Variants in SPECC1L observed in about 807,000 individuals in gnomAD.
SPECC1L encodes cytospin-A.
Under a neutral mutation model 116.8 loss-of-function variants are expected in SPECC1L, and 40 were observed. That is an observed-to-expected ratio of 0.34 (90% CI 0.27 to 0.45). The LOEUF (loss-of-function observed/expected upper bound fraction) is 0.45, where lower values mean the gene tolerates loss of function less well. SPECC1L is among the 20% of genes least tolerant of loss of function. The pLI, the probability that SPECC1L is intolerant of heterozygous loss-of-function variation, is 1.00. For missense variants in SPECC1L, 1,110 were observed against 1,373.6 expected, an observed-to-expected ratio of 0.81 and a Z score of 3.03; for synonymous variants, 504 against 500.6, an observed-to-expected ratio of 1.01 and a Z score of -0.09.
intron 2 of SPECC1L, among the ~76,000 whole-genome samples, chr22:24,283,993 G>C (rs919361558): frequency 1.3e-5 from 2 of 152,012 alleles, no homozygotes; most frequent in African/African-American, 4.8e-5. Flanking sequence ...TCTTTTTTAT[G>C]AGTGTGGCTA....
At chr22:24,342,241 G>GA (rs34226829) in intron 10 of SPECC1L, among the ~76,000 whole-genome samples, 2 of 152,166 alleles carry the variant, frequency 1.3e-5, no homozygotes, top group South Asian at 2.1e-4. Flanking sequence ...ATAACCAGGG[G>GA]AAAAATCAGT....
intron 14 of SPECC1L, among the ~76,000 whole-genome samples, chr22:24,404,140 T>C (rs1255663084): frequency 1.3e-5 from 2 of 152,334 alleles, no homozygotes; most frequent in Non-Finnish European, 2.9e-5. Context: ...TTCTGGTTTC[T>C]TTCCCCCAAC....
chr22:24,312,244 C>CA (rs2040476864), intron 3 of SPECC1L, among the ~76,000 whole-genome samples: 1 of 152,204 alleles, frequency 6.6e-6, no homozygotes, highest in Admixed American at 6.5e-5. Flanking sequence ...GCTAAGATTA[C>CA]AGGCATGAGC....
At chr22:24,371,873 T>TA (rs1240726514) in intron 14 of SPECC1L, among the ~76,000 whole-genome samples, 1 of 152,178 alleles carries the variant, frequency 6.6e-6, no homozygotes, top group Admixed American at 6.5e-5. Context: ...AAACGTGTGC[T>TA]ATCATGCCCA....
intron 9 of SPECC1L, among the ~76,000 whole-genome samples, chr22:24,337,419 G>A (rs149161100): frequency 8.7e-4 from 133 of 152,318 alleles, no homozygotes; most frequent in African/African-American, 3.1e-3. Context: ...ATTGCCATAC[G>A]CTGGCGGGAC....
intron 14 of SPECC1L, among the ~76,000 whole-genome samples, chr22:24,401,170 C>T (rs2042466281): frequency 6.6e-6 from 1 of 152,196 alleles, no homozygotes; most frequent in African/African-American, 2.4e-5. Flanking sequence ...AAATAGGGTT[C>T]TCACATTGTG....
chr22:24,323,481 A>G (rs556190789), intron 5 of SPECC1L, among the ~76,000 whole-genome samples: 1 of 152,350 alleles, frequency 6.6e-6, no homozygotes, highest in African/African-American at 2.4e-5. Flanking sequence ...TGCCTCCAGC[A>G]TAATAGTGAG....
Position 24,363,436 on chromosome 22 carries a change from C to G in SPECC1L, c.2827+92C>G, listed in dbSNP as rs886619175. The G allele has an allele frequency of 9.9e-6, 11 of 1,108,474 alleles. No individual in the cohort carries two copies. In the African/African-American group the frequency reaches 1.1e-4, roughly 11 times the overall value. 68.7% of individuals were successfully genotyped at this position (1,108,474 alleles called of 1,614,324 possible). On this transcript the variant is annotated intron_variant, in intron 12 of 16. Coordinates refer to ENST00000314328, the MANE Select transcript of SPECC1L (RefSeq NM_015330.6). ...CCCAGGCTGATCTCAAACTCCTGGC[C>G]TCAAGCTATGCTCTCACTGGCCTCA...
intron 14 of SPECC1L, among the ~76,000 whole-genome samples, chr22:24,403,285 G>A (rs1340367022): frequency 2.0e-5 from 3 of 152,076 alleles, no homozygotes; most frequent in South Asian, 2.1e-4. Flanking sequence ...GAATTATCTC[G>A]TAGAGTAGAA....
intron 2 of SPECC1L, among the ~76,000 whole-genome samples, chr22:24,281,276 CA>C (rs1346169153): frequency 1.3e-5 from 2 of 152,186 alleles, no homozygotes; most frequent in Non-Finnish European, 2.9e-5. Context: ...CACCTACCTT[CA>C]ACAATTATCA....
At chr22:24,276,020 T>C (rs191429400) in intron 1 of SPECC1L, among the ~76,000 whole-genome samples, 1 of 152,244 alleles carries the variant, frequency 6.6e-6, no homozygotes, top group Admixed American at 6.5e-5. Flanking sequence ...GCCTAAACTT[T>C]TTTTTTTCAA....
intron 3 of SPECC1L, 108 bp downstream of exon 3, chr22:24,302,492 C>T: frequency 7.0e-7 from 1 of 1,419,006 alleles, no homozygotes; most frequent in Middle Eastern, 2.1e-4. Context: ...TCTTCTGGTG[C>T]TGGGAACACT....
intron 8 of SPECC1L, among the ~76,000 whole-genome samples, chr22:24,332,258 G>C (rs1164137576): frequency 6.6e-6 from 1 of 152,168 alleles, no homozygotes; most frequent in East Asian, 1.9e-4. Context: ...TACCATTGGT[G>C]AGTTTGGCAG....
At chr22:24,354,173 C>T (rs769660573) in intron 11 of SPECC1L, among the ~76,000 whole-genome samples, 11 of 152,142 alleles carry the variant, frequency 7.2e-5, no homozygotes, top group East Asian at 3.9e-4. Context: ...TCCTATGACC[C>T]GGGTACCTCC....
intron 11 of SPECC1L, among the ~76,000 whole-genome samples, chr22:24,357,427 T>G (rs1335705163): frequency 6.6e-6 from 1 of 152,178 alleles, no homozygotes; most frequent in East Asian, 1.9e-4. Context: ...TTAATCATAG[T>G]TATTTTAAAT....
At chr22:24,340,861 A>G (rs899822638) in intron 10 of SPECC1L, among the ~76,000 whole-genome samples, 2 of 152,180 alleles carry the variant, frequency 1.3e-5, no homozygotes, top group African/African-American at 4.8e-5. Context: ...CTCCCTGGGT[A>G]GGAATTCTAC....
chr22:24,369,219 G>A lies in SPECC1L; in HGVS notation c.2986G>A (p.Glu996Lys). ...VTPTTRSRIR[E>K]ERKDPLSALA... ...CAACTTTGGGTTACTTGTTTTCAGAGAAGAAAGGAAAGACCCTCTCTCAGC... is the reference window on the plus strand; with the variant it reads ...CAACTTTGGGTTACTTGTTTTCAGAAAAGAAAGGAAAGACCCTCTCTCAGC... The change falls in exon 14 of 17, where the codon GAA becomes AAA. Residue 996 changes from glutamate to lysine, a missense_variant and splice_region_variant. Transcript: ENST00000314328. The A allele has an allele frequency of 6.2e-7, 1 of 1,610,822 alleles. No individual in the cohort carries two copies. Among genetic ancestry groups the A allele is most frequent in the Non-Finnish European group, 8.5e-7 (1 of 1,176,948 alleles).
chr22:24,366,579 G>T (rs2041771219), intron 13 of SPECC1L, among the ~76,000 whole-genome samples: 1 of 152,144 alleles, frequency 6.6e-6, no homozygotes, highest in Non-Finnish European at 1.5e-5. Context: ...CTGGATCAGT[G>T]TGATAACAGT....
chr22:24,376,881 C>T (rs925722241), intron 14 of SPECC1L, among the ~76,000 whole-genome samples: 6 of 150,212 alleles, frequency 4.0e-5, no homozygotes, highest in African/African-American at 1.5e-4. Context: ...ACAATTCAGC[C>T]ACTTAAAATG....
Sources: gnomAD v4.1 joint callset for allele counts (sites outside exome capture counted in the v4.1 genomes callset) on GRCh38, gnomAD v4.1.1 for gene constraint, MANE v1.5 for transcripts, NCBI Gene and HGNC (gene_info 2026-07-23, HGNC 2026-07-21) for gene names.